Variants in GPD1L observed in about 807,000 individuals in gnomAD.
GPD1L encodes glycerol-3-phosphate dehydrogenase 1-like protein.
A neutral mutation model predicts 32.9 loss-of-function variants in GPD1L; 17 were observed. That is an observed-to-expected ratio of 0.52 (90% CI 0.35 to 0.78). The LOEUF (loss-of-function observed/expected upper bound fraction) is 0.78, where lower values mean the gene tolerates loss of function less well. Ranked by LOEUF, GPD1L falls within the 30% of genes least tolerant of loss-of-function variation. The pLI is 0.01. For synonymous variants in GPD1L, 187 were observed against 165.9 expected (o/e 1.13, Z -0.98); for missense variants, 361 against 447.8 (o/e 0.81, Z 1.75).
intron 1 of GPD1L, among the ~76,000 whole-genome samples, chr3:32,115,841 T>A (rs187371398): frequency 7.3e-6 from 1 of 136,334 alleles, no homozygotes; most frequent in East Asian, 2.4e-4. Flanking sequence ...CAGGTTGGAG[T>A]GCAGTGGCAC....
Position 32,165,873 on chromosome 3 carries a change from T to C in GPD1L, c.1019T>C (p.Met340Thr), listed in dbSNP as rs751063902. 1 of 1,606,678 alleles carries C rather than the reference T, an allele frequency of 6.2e-7. No homozygotes were observed. Among genetic ancestry groups the C allele is most frequent in the East Asian group, 2.2e-5 (1 of 44,840 alleles). Residue 340 changes from methionine (M) to threonine (T), a missense_variant, in exon 8 of 8, where the codon ATG (methionine) becomes ACG (threonine). Met to Thr is a moderately conservative substitution (Grantham distance 81, BLOSUM62 -1). Transcript: ENST00000282541. ...TACGAAAGCAGACCAGTTCAAGAGA[T>C]GTTGTCTTGTCTTCAGAGCCATCCA... The part of the protein sequence containing the change: ...ICYESRPVQE[M>T]LSCLQSHPEH...
intron 5 of GPD1L, among the ~76,000 whole-genome samples, chr3:32,156,344 G>C (rs139140042): frequency 6.6e-6 from 1 of 152,186 alleles, no homozygotes; most frequent in South Asian, 2.1e-4. Flanking sequence ...CAGTTCCTAG[G>C]ACCAATTCCT....
Position 32,136,758 on chromosome 3 carries a change from T to C in GPD1L, c.226-1829T>C, listed in dbSNP as rs545395541. ...CTTTACACTATTATTCTTGGTCCCA[T>C]GTTTTTTGTTTTTTTTTCCCCTGTA... On this transcript the variant is annotated intron_variant, in intron 2 of 7. Transcript: ENST00000282541. 4.0e-5 allele frequency among the ~76,000 whole-genome samples: 6 copies of C among 151,502 alleles called. No homozygotes were observed. The South Asian group carries it at 1.2e-3, about 32-fold the overall frequency.
rs1701039817 is a variant in GPD1L at position 32,159,077 on chromosome 3, A to C, written c.820A>C (p.Arg274=). The part of the protein sequence containing the change: ...ITTCYGGRNR[R]VAEAFARTGK... ...CACCTGTTACGGAGGGCGGAACCGC[A>C]GGGTGGCCGAGGCCTTCGCCAGAAC... Residue 274 remains arginine (R), a synonymous_variant, in exon 6 of 8, where the codon AGG becomes CGG. Transcript: ENST00000282541. 1 of 1,613,736 alleles carries C rather than the reference A, an allele frequency of 6.2e-7. No homozygotes were observed. The highest frequency in any genetic ancestry group is 1.6e-4 in the Middle Eastern group (1 of 6,062).
intron 5 of GPD1L, chr3:32,158,589 T>G: frequency 1.7e-6 from 1 of 574,032 alleles, no homozygotes; most frequent in Non-Finnish European, 3.1e-6. Context: ...CCAAACATTA[T>G]TTAACCAAAG....
intron 1 of GPD1L, among the ~76,000 whole-genome samples, chr3:32,119,118 T>C (rs1206053648): frequency 6.6e-6 from 1 of 152,224 alleles, no homozygotes; most frequent in East Asian, 1.9e-4. Context: ...TTCAATTCTT[T>C]GGGGTATATA....
In GPD1L at chr3:32,158,894, G is replaced by T; in HGVS notation, c.637G>T (p.Ala213Ser). The stretch of plus-strand genomic sequence containing the variant: ...TTTGCAGAACATCGTAGCTGTGGGA[G>T]CTGGGTTCTGCGACGGCCTCCGCTG... Reference protein sequence around the residue: ...GALKNIVAVGAGFCDGLRCGD... With the variant: ...GALKNIVAVGSGFCDGLRCGD... The change falls in exon 6 of 8, where the codon GCT (alanine) becomes TCT (serine). Residue 213 changes from alanine (A) to serine (S), a missense_variant. Ala to Ser is a moderately conservative substitution (Grantham distance 99). Coordinates refer to ENST00000282541, the MANE Select transcript of GPD1L (RefSeq NM_015141.4). The T allele has an allele frequency of 1.2e-6, 2 of 1,614,066 alleles. No individual in the cohort carries two copies. The highest frequency in any genetic ancestry group is 1.1e-5 in the South Asian group (1 of 91,088).
Position 32,166,200 on chromosome 3 carries a change from TCCACACAATCGTAGCTTATAAGA to T in GPD1L, c.*291_*313del. The T allele has an allele frequency of 2.2e-6, 1 of 446,974 alleles. No homozygotes were observed. Among genetic ancestry groups the T allele is most frequent in the South Asian group, 2.2e-5 (1 of 46,178 alleles). The allele number at this position is 446,974 out of a possible 1,614,324, so 27.7% of individuals were successfully genotyped here. A position where few individuals can be genotyped will look rare whatever the true frequency, so the allele number is the denominator to read the frequency against. On this transcript the variant is annotated 3_prime_UTR_variant, in exon 8 of 8. Coordinates refer to ENST00000282541, the MANE Select transcript of GPD1L (RefSeq NM_015141.4). ...TTTTTTCAAAATTGCTTATGAAATTTCCACACAATCGTAGCTTATAAGATTGGAACGATCTCAGCCAAATATTT... is the reference window on the plus strand; with the variant it reads ...TTTTTTCAAAATTGCTTATGAAATTTTTGGAACGATCTCAGCCAAATATTT...
intron 4 of GPD1L, among the ~76,000 whole-genome samples, chr3:32,143,192 C>T (rs1432897809): frequency 3.3e-5 from 5 of 149,960 alleles, no homozygotes; most frequent in Non-Finnish European, 5.9e-5. Flanking sequence ...AATACCCTGT[C>T]TCTTTAAAAA....
intron 5 of GPD1L, among the ~76,000 whole-genome samples, chr3:32,153,787 G>C (rs1700951992): frequency 6.6e-6 from 1 of 152,106 alleles, no homozygotes; most frequent in Non-Finnish European, 1.5e-5. Flanking sequence ...TGGTTCTCCT[G>C]TTCTTTATTC....
intron 5 of GPD1L, among the ~76,000 whole-genome samples, chr3:32,158,105 T>C (rs938938691): frequency 1.3e-5 from 2 of 152,218 alleles, no homozygotes; most frequent in Admixed American, 1.3e-4. Flanking sequence ...CTGTTTGTCA[T>C]GGCCCCAAAC....
At chr3:32,130,947 G>A (rs1311794582) in intron 2 of GPD1L, among the ~76,000 whole-genome samples, 8 of 151,970 alleles carry the variant, frequency 5.3e-5, no homozygotes, top group African/African-American at 1.9e-4. Context: ...CCCAGGAGGC[G>A]GAAGTTGCAG....
chr3:32,134,859 T>C (rs1456589685), intron 2 of GPD1L, among the ~76,000 whole-genome samples: 1 of 152,192 alleles, frequency 6.6e-6, no homozygotes, highest in Non-Finnish European at 1.5e-5. Flanking sequence ...AAGACACGGG[T>C]AGATTTTTCT....
At chr3:32,118,593 A>G (rs1363627256) in intron 1 of GPD1L, among the ~76,000 whole-genome samples, 2 of 152,084 alleles carry the variant, frequency 1.3e-5, no homozygotes, top group African/African-American at 4.8e-5. Context: ...AATTGTGACA[A>G]AATACACATA....
At chr3:32,131,091 G>A (rs1462809512) in intron 2 of GPD1L, among the ~76,000 whole-genome samples, 1 of 152,074 alleles carries the variant, frequency 6.6e-6, no homozygotes, top group Non-Finnish European at 1.5e-5. Flanking sequence ...GGTTGATCCT[G>A]TTTTCTAGCT....
intron 7 of GPD1L, among the ~76,000 whole-genome samples, chr3:32,164,344 C>T (rs1044183556): frequency 3.3e-5 from 5 of 152,178 alleles, no homozygotes; most frequent in East Asian, 1.9e-4. Context: ...ATTTATTCAA[C>T]GAATTCTCAC....
intron 4 of GPD1L, 39 bp downstream of exon 4, chr3:32,140,405 T>C (rs1284211325): frequency 6.2e-7 from 1 of 1,606,884 alleles, no homozygotes; most frequent in East Asian, 2.2e-5. Flanking sequence ...AGTCTGGACA[T>C]TTGATGTTTG....
At chr3:32,150,160 G>T (rs1700892278) in intron 5 of GPD1L, among the ~76,000 whole-genome samples, 1 of 152,122 alleles carries the variant, frequency 6.6e-6, no homozygotes, top group East Asian at 1.9e-4. Flanking sequence ...GCTTTTATAT[G>T]CCATCGTTTG....
At chr3:32,128,357 G>T (rs1443498364) in intron 2 of GPD1L, 104 bp downstream of exon 2, 1 of 937,336 alleles carries the variant, frequency 1.1e-6, no homozygotes, top group African/African-American at 1.6e-5. Flanking sequence ...CTTTTCCCCA[G>T]TTCCTTTCCA....
Sources: gnomAD v4.1 joint callset for allele counts (sites outside exome capture counted in the v4.1 genomes callset) on GRCh38, gnomAD v4.1.1 for gene constraint, MANE v1.5 for transcripts, NCBI Gene and HGNC (gene_info 2026-07-23, HGNC 2026-07-21) for gene names.